Variants in CFAP95 observed in about 807,000 individuals in gnomAD.
CFAP95 encodes the protein cilia and flagella associated protein 95, also known as cilia- and flagella-associated protein 95.
chr9:69,885,499 C>T, the CFAP95 span, among the ~76,000 whole-genome samples: 2 of 152,246 alleles, frequency 1.3e-5, no homozygotes, highest in African/African-American at 4.8e-5. Flanking sequence ...AATCTAAGGC[C>T]AAGTCTCTTA....
At chr9:69,846,272 A>C in the CFAP95 span, among the ~76,000 whole-genome samples, 2 of 152,158 alleles carry the variant, frequency 1.3e-5, no homozygotes, top group African/African-American at 4.8e-5. Context: ...AACCACAAAC[A>C]TTCCCTCCCC....
At chr9:69,878,144 T>C in the CFAP95 span, among the ~76,000 whole-genome samples, 1 of 152,178 alleles carries the variant, frequency 6.6e-6, no homozygotes. Context: ...GAGGGAGTGA[T>C]GTTTACTGAT....
the CFAP95 span, among the ~76,000 whole-genome samples, chr9:69,874,672 G>T: frequency 6.6e-6 from 1 of 152,114 alleles, no homozygotes; most frequent in Non-Finnish European, 1.5e-5. Flanking sequence ...CCGGCTGGAG[G>T]ATATTACATC....
At chr9:69,834,147 C>A in the CFAP95 span, among the ~76,000 whole-genome samples, 1 of 152,152 alleles carries the variant, frequency 6.6e-6, no homozygotes, top group Non-Finnish European at 1.5e-5. Context: ...TCACTCCATG[C>A]CAGGTATACT....
the CFAP95 span, among the ~76,000 whole-genome samples, chr9:69,880,171 A>T: frequency 6.6e-6 from 1 of 152,196 alleles, no homozygotes; most frequent in Non-Finnish European, 1.5e-5. Context: ...GTTATTTTAA[A>T]GTGTACAATT....
the CFAP95 span, among the ~76,000 whole-genome samples, chr9:69,857,520 GT>G: frequency 6.6e-6 from 1 of 152,086 alleles, no homozygotes; most frequent in African/African-American, 2.4e-5. Flanking sequence ...CCCTAAATTA[GT>G]TTTTGTTTTG....
the CFAP95 span, among the ~76,000 whole-genome samples, chr9:69,852,935 G>C: frequency 6.6e-6 from 1 of 152,108 alleles, no homozygotes; most frequent in East Asian, 1.9e-4. Flanking sequence ...GCTCCTCACT[G>C]CCTTCTGCCA....
chr9:69,857,865 T>G, the CFAP95 span: 17 of 1,576,516 alleles, frequency 1.1e-5, no homozygotes, highest in Admixed American at 3.4e-5. Flanking sequence ...AGTTTACACA[T>G]TACACTCTAA....
the CFAP95 span, chr9:69,856,482 A>G: frequency 1.2e-6 from 1 of 804,720 alleles, no homozygotes; most frequent in Non-Finnish European, 2.0e-6. Flanking sequence ...GTACTTCAAT[A>G]AAAACATGTT....
At chr9:69,860,040 C>A in the CFAP95 span, among the ~76,000 whole-genome samples, 1 of 152,166 alleles carries the variant, frequency 6.6e-6, no homozygotes, top group Non-Finnish European at 1.5e-5. Context: ...AGCAGAGAGT[C>A]TATGAATGTG....
chr9:69,857,860 A>C, the CFAP95 span: 11 of 1,553,714 alleles, frequency 7.1e-6, no homozygotes, highest in Non-Finnish European at 9.7e-6. Flanking sequence ...TTGAAAGTTT[A>C]CACATTACAC....
At chr9:69,845,087 G>A in the CFAP95 span, among the ~76,000 whole-genome samples, 1 of 152,194 alleles carries the variant, frequency 6.6e-6, no homozygotes, top group African/African-American at 2.4e-5. Flanking sequence ...CTGGTCTTTG[G>A]TTTCAAGTGT....
At chr9:69,851,368 C>G in the CFAP95 span, among the ~76,000 whole-genome samples, 1 of 152,060 alleles carries the variant, frequency 6.6e-6, no homozygotes, top group South Asian at 2.1e-4. Flanking sequence ...TAATAAGAAG[C>G]CTATTGGTCC....
the CFAP95 span, among the ~76,000 whole-genome samples, chr9:69,851,905 G>T: frequency 6.6e-6 from 1 of 151,352 alleles, no homozygotes; most frequent in South Asian, 2.1e-4. Flanking sequence ...GAAGAAGGAA[G>T]AAGCTCATAA....
At chr9:69,896,952 C>T in the CFAP95 span, among the ~76,000 whole-genome samples, 94 of 152,042 alleles carry the variant, frequency 6.2e-4, 1 homozygote, top group South Asian at 8.1e-3. Flanking sequence ...AGTAAATGAA[C>T]GAGGGAATCC....
At chr9:69,830,169 A>G in the CFAP95 span, among the ~76,000 whole-genome samples, 11 of 152,142 alleles carry the variant, frequency 7.2e-5, no homozygotes, top group African/African-American at 2.4e-4. Context: ...TATAACTTAC[A>G]TCTTGATCCC....
the CFAP95 span, among the ~76,000 whole-genome samples, chr9:69,851,791 C>T: frequency 6.6e-6 from 1 of 151,538 alleles, no homozygotes; most frequent in Non-Finnish European, 1.5e-5. Context: ...TTGCTTGAGC[C>T]CATGAGTTTG....
chr9:69,830,611 G>T, the CFAP95 span, among the ~76,000 whole-genome samples: 14 of 152,236 alleles, frequency 9.2e-5, no homozygotes, highest in South Asian at 2.9e-3. Context: ...ACATATCTTT[G>T]CAGTGCTTTG....
At chr9:69,849,433 A>T in the CFAP95 span, among the ~76,000 whole-genome samples, 1 of 152,138 alleles carries the variant, frequency 6.6e-6, no homozygotes, top group Admixed American at 6.6e-5. Context: ...ACATTTTTTG[A>T]GGCCCCATTA....
Sources: gnomAD v4.1 joint callset for allele counts (sites outside exome capture counted in the v4.1 genomes callset) on GRCh38, gnomAD v4.1.1 for gene constraint, MANE v1.5 for transcripts, NCBI Gene and HGNC (gene_info 2026-07-23, HGNC 2026-07-21) for gene names.